NHS: variants seen among roughly 807,000 people sequenced by gnomAD.
The protein encoded by NHS is actin remodeling regulator NHS.
NHS carries 5 observed loss-of-function variants against 72.5 expected under a neutral mutation model. The observed-to-expected ratio is 0.07, with a 90% CI of 0.04 to 0.14. The LOEUF (loss-of-function observed/expected upper bound fraction) is 0.14. NHS is among the 10% of genes least tolerant of loss of function. NHS has a pLI of 1.00. For synonymous variants in NHS, 464 were observed against 547.7 expected (o/e 0.85, Z 2.13); for missense variants, 1,072 against 1,355.7 (o/e 0.79, Z 3.29).
intron 1 of NHS, among the ~76,000 whole-genome samples, chrX:17,592,268 A>G (rs931153651): frequency 2.7e-5 from 3 of 111,865 alleles, no homozygotes; most frequent in Non-Finnish European, 5.6e-5. Flanking sequence ...ATGATTGAAA[A>G]CAATGTCTGA....
chrX:17,496,812 C>T (rs2065014761), intron 1 of NHS, among the ~76,000 whole-genome samples: 1 of 112,026 alleles, frequency 8.9e-6, no homozygotes, highest in African/African-American at 3.2e-5. Flanking sequence ...CTCCCTCCAC[C>T]CCCAGGATCC....
At position 17,415,016 on chromosome X, in the gene NHS, G is replaced by GCCTGC. The variant is rs772580386; in HGVS notation, c.565+38707_565+38711dup. On this transcript the variant is annotated intron_variant, in intron 1 of 8. Coordinates refer to ENST00000676302, the MANE Select transcript of NHS (RefSeq NM_001291867.2). ...GGGTTGGCTGGTATCTTGGTACTGA[G>GCCTGC]CCTGCCCTGCCCTGCCCCGGGAGGT... Among the ~76,000 whole-genome samples, 13 of 111,220 alleles carry GCCTGC rather than the reference G, an allele frequency of 1.2e-4. No homozygotes were observed. In the South Asian group the frequency reaches 4.3e-3, roughly 37 times the overall value.
chrX:17,732,040 A>G lies in NHS; in HGVS notation c.4532A>G (p.Asn1511Ser). 1.7e-6 allele frequency: 2 copies of G among 1,211,514 alleles called. No homozygotes were observed. Among genetic ancestry groups the G allele is most frequent in the Non-Finnish European group, 2.2e-6 (2 of 895,477 alleles). The change falls in exon 9 of 9, where the codon AAC becomes AGC. Residue 1511 changes from asparagine to serine, a missense_variant. Transcript: ENST00000676302. ...GLIYRNAKKS[N>S]TSNEEFKLLL... ...ATATACCGAAATGCCAAAAAGTCCA[A>G]CACATCCAATGAAGAGTTTAAGCTG...
At chrX:17,489,550 CTA>C (rs2064981421) in intron 1 of NHS, among the ~76,000 whole-genome samples, 1 of 112,138 alleles carries the variant, frequency 8.9e-6, no homozygotes, top group Non-Finnish European at 1.9e-5. Flanking sequence ...TGCAATGGCA[CTA>C]TCTCAGCTCA....
At chrX:17,622,466 C>T (rs759150030) in intron 1 of NHS, among the ~76,000 whole-genome samples, 1 of 112,004 alleles carries the variant, frequency 8.9e-6, no homozygotes, top group Non-Finnish European at 1.9e-5. Flanking sequence ...CTGTGGTGGT[C>T]TTGAAGCAAC....
At chrX:17,685,799 C>T (rs2066159175) in intron 1 of NHS, among the ~76,000 whole-genome samples, 1 of 111,629 alleles carries the variant, frequency 9.0e-6, no homozygotes, top group Non-Finnish European at 1.9e-5. Context: ...CTGAGACCAT[C>T]CCTAGGGAAC....
chrX:17,471,705 T>A (rs2146903276), intron 1 of NHS, among the ~76,000 whole-genome samples: 1 of 112,404 alleles, frequency 8.9e-6, no homozygotes, highest in South Asian at 3.7e-4. Flanking sequence ...GGACTCTTTT[T>A]TCCAGATCTA....
At chrX:17,439,177 A>T (rs1451755376) in intron 1 of NHS, among the ~76,000 whole-genome samples, 1 of 109,915 alleles carries the variant, frequency 9.1e-6, no homozygotes. Flanking sequence ...CTGCTCTTTG[A>T]AGGGGATTGA....
intron 1 of NHS, among the ~76,000 whole-genome samples, chrX:17,561,129 C>T (rs2065409869): frequency 8.9e-6 from 1 of 112,408 alleles, no homozygotes; most frequent in South Asian, 3.7e-4. Flanking sequence ...TCCCTATGCT[C>T]TTCCAGACTG....
chrX:17,672,989 G>C (rs2066056957), intron 1 of NHS, among the ~76,000 whole-genome samples: 1 of 110,422 alleles, frequency 9.1e-6, no homozygotes, highest in African/African-American at 3.3e-5. Context: ...ACTCGAGCTT[G>C]GTATTGAGTA....
chrX:17,630,182 G>T (rs191322168), intron 1 of NHS, among the ~76,000 whole-genome samples: 1 of 97,340 alleles, frequency 1.0e-5, no homozygotes, highest in East Asian at 3.2e-4. Context: ...TAGTGTGCCA[G>T]CTTGGTGGCC....
At chrX:17,731,749 C>A in intron 8 of NHS, 109 bp from the exon 9 acceptor site, 1 of 1,010,999 alleles carries the variant, frequency 9.9e-7, no homozygotes, top group Non-Finnish European at 1.3e-6. Flanking sequence ...TCATATAGGA[C>A]AGGCTCAAAA....
intron 1 of NHS, among the ~76,000 whole-genome samples, chrX:17,472,351 GAGAC>G (rs1297554590): frequency 9.0e-6 from 1 of 110,951 alleles, no homozygotes; most frequent in African/African-American, 3.3e-5. Flanking sequence ...GAGACAGAGA[GAGAC>G]AGAGACAAGA....
At chrX:17,594,606 G>A (rs372564933) in intron 1 of NHS, among the ~76,000 whole-genome samples, 2 of 112,326 alleles carry the variant, frequency 1.8e-5, no homozygotes, top group African/African-American at 3.2e-5. Flanking sequence ...AAGGCAATTC[G>A]GAGGCAGTGG....
chrX:17,447,116 G>A (rs2064784718), intron 1 of NHS, among the ~76,000 whole-genome samples: 1 of 111,697 alleles, frequency 9.0e-6, no homozygotes, highest in Middle Eastern at 4.2e-3. Flanking sequence ...GGGTAAGATA[G>A]TTGTCAAGAT....
chrX:17,514,491 C>T (rs2065108576), intron 1 of NHS, among the ~76,000 whole-genome samples: 1 of 112,061 alleles, frequency 8.9e-6, no homozygotes, highest in Non-Finnish European at 1.9e-5. Context: ...GGCTCTCGGG[C>T]CTTTGGCCAT....
At chrX:17,648,925 T>G (rs2147082589) in intron 1 of NHS, among the ~76,000 whole-genome samples, 1 of 112,044 alleles carries the variant, frequency 8.9e-6, no homozygotes, top group South Asian at 3.7e-4. Context: ...ACATATCTGT[T>G]GTGAGGATTA....
At chrX:17,555,232 T>C (rs1442171721) in intron 1 of NHS, among the ~76,000 whole-genome samples, 1 of 108,968 alleles carries the variant, frequency 9.2e-6, no homozygotes. Flanking sequence ...CGGGTTATTT[T>C]TTTTTTTTTT....
chrX:17,433,062 C>T (rs1461574469), intron 1 of NHS, among the ~76,000 whole-genome samples: 1 of 110,148 alleles, frequency 9.1e-6, no homozygotes, highest in African/African-American at 3.3e-5. Context: ...CGGAGTCTCG[C>T]TCTGTTGCCC....
Sources: gnomAD v4.1 joint callset for allele counts (sites outside exome capture counted in the v4.1 genomes callset) on GRCh38, gnomAD v4.1.1 for gene constraint, MANE v1.5 for transcripts, NCBI Gene and HGNC (gene_info 2026-07-23, HGNC 2026-07-21) for gene names.